NPIPB9: variants seen among roughly 807,000 people sequenced by gnomAD.
NPIPB9 encodes nuclear pore complex interacting protein family member B9.
In NPIPB9, 1 loss-of-function variant was observed where a neutral mutation model predicts 5.6. The ratio of observed to expected loss-of-function variants is 0.18; its 90% confidence interval spans 0.06 to 0.84. The LOEUF (loss-of-function observed/expected upper bound fraction) is 0.84, where lower values mean the gene tolerates loss of function less well. Among genes scored for constraint, NPIPB9 ranks in the 40% least tolerant of loss-of-function variants. The pLI is 0.70. For missense variants in NPIPB9, 3 were observed against 39.1 expected (o/e 0.08, Z 2.46); for synonymous variants, 2 against 12.5 (o/e 0.16, Z 1.77).
At chr16:28,752,943 G>A (rs1359671817) in intron 1 of NPIPB9, among the ~76,000 whole-genome samples, 1 of 116,780 alleles carries the variant, frequency 8.6e-6, no homozygotes, top group Non-Finnish European at 2.0e-5. Context: ...ATTTTGGGAG[G>A]CTGAGGCTGG....
chr16:28,756,526 G>A (rs2048830518), intron 1 of NPIPB9, among the ~76,000 whole-genome samples: 1 of 99,780 alleles, frequency 1.0e-5, no homozygotes, highest in Non-Finnish European at 2.4e-5. Flanking sequence ...GAACATGGCT[G>A]CAGCATATAA....
At chr16:28,757,296 G>GACATC (rs2151815053) in intron 1 of NPIPB9, among the ~76,000 whole-genome samples, 1 of 105,270 alleles carries the variant, frequency 9.5e-6, no homozygotes, top group South Asian at 2.7e-4. Flanking sequence ...AGATTCCTTG[G>GACATC]ACATCCCTGA....
At chr16:28,753,804 GC>G in intron 1 of NPIPB9, among the ~76,000 whole-genome samples, 1 of 60,568 alleles carries the variant, frequency 1.7e-5, no homozygotes, top group African/African-American at 5.1e-5. Flanking sequence ...CTCGTAATCT[GC>G]CCACCGTGGC....
chr16:28,767,534 CAG>C (rs1401900696), intron 5 of NPIPB9, among the ~76,000 whole-genome samples: 1 of 14,606 alleles, frequency 6.8e-5, no homozygotes, highest in Non-Finnish European at 1.4e-4. Flanking sequence ...TTAGTAGAGA[CAG>C]GGGTTCACCA....
intron 1 of NPIPB9, among the ~76,000 whole-genome samples, chr16:28,753,505 G>T (rs1398404815): frequency 1.7e-5 from 1 of 59,658 alleles, no homozygotes; most frequent in Non-Finnish European, 3.3e-5. Flanking sequence ...GATTTATATA[G>T]ATACACACAC....
In NPIPB9 at chr16:28,765,724, TG is replaced by T. The variant is rs1475478202; in HGVS notation, c.295-357del. ...CCGTGCCAGCCTCATGTCATTCTTG[TG>T]TGTGTGTGTGTGTGTGTGTGTGTGT... is the stretch of plus-strand genomic sequence containing the variant. On this transcript the variant is annotated intron_variant, in intron 3 of 7. Transcript: ENST00000550983. Among the ~76,000 whole-genome samples, 36 of 8,078 alleles carry T rather than the reference TG, an allele frequency of 4.5e-3. 1 individual carries two copies. The highest frequency in any genetic ancestry group is 0.012 in the Admixed American group (6 of 484). 5.3% of individuals were successfully genotyped at this position (8,078 alleles called of 152,430 possible).
intron 1 of NPIPB9, among the ~76,000 whole-genome samples, chr16:28,756,151 A>C: frequency 1.2e-5 from 1 of 80,206 alleles, no homozygotes; most frequent in African/African-American, 3.9e-5. Context: ...ACCCCCACTT[A>C]CTTGGTCTCT....
At chr16:28,756,194 CTTT>C (rs753440338) in intron 1 of NPIPB9, among the ~76,000 whole-genome samples, 4 of 87,926 alleles carry the variant, frequency 4.5e-5, no homozygotes, top group Non-Finnish European at 5.3e-5. Context: ...AAATCTAGGG[CTTT>C]TTTTTTTTTT....
intron 5 of NPIPB9, among the ~76,000 whole-genome samples, chr16:28,767,025 C>T (rs1326436520): frequency 2.5e-5 from 1 of 39,512 alleles, no homozygotes; most frequent in Non-Finnish European, 4.7e-5. Context: ...CACACCCAGG[C>T]TTTTTTTTTT....
chr16:28,765,741 G>GTC (rs1376645072), intron 3 of NPIPB9, among the ~76,000 whole-genome samples: 17 of 88,142 alleles, frequency 1.9e-4, no homozygotes, highest in Non-Finnish European at 3.1e-4. Flanking sequence ...GTGTGTGTGT[G>GTC]TGTGTGTGTG....
rs1214843854 is a variant in NPIPB9 at position 28,753,507 on chromosome 16, TACAC to T, written c.25+931_25+934del. Reference sequence around the variant, plus strand: ...CTTTTATTTTTGAGATTTATATAGATACACACACACACACACACATACATACACA... The same window carrying T: ...CTTTTATTTTTGAGATTTATATAGATACACACACACACACATACATACACA... On this transcript the variant is annotated intron_variant, in intron 1 of 7. Coordinates refer to ENST00000550983, the Ensembl canonical transcript of NPIPB9. Among the ~76,000 whole-genome samples the T allele has an allele frequency of 5.6e-4, 36 of 64,182 alleles. 2 individuals carry two copies. The highest frequency in any genetic ancestry group is 1.4e-3 in the East Asian group (4 of 2,916). The allele number at this position is 64,182 out of a possible 152,430, so 42.1% of individuals were successfully genotyped here.
chr16:28,754,851 G>A lies in NPIPB9; in HGVS notation c.25+2259G>A, dbSNP rs1291158626. On this transcript the variant is annotated intron_variant, in intron 1 of 7. Transcript: ENST00000550983. ...AAATCATCACCAACATGATGAAACAGAGTAGACTTCAGAAAAAGCAGTTTG... is the reference window on the plus strand; with the variant it reads ...AAATCATCACCAACATGATGAAACAAAGTAGACTTCAGAAAAAGCAGTTTG... Among the ~76,000 whole-genome samples, 7 of 141,124 alleles carry A rather than the reference G, an allele frequency of 5.0e-5. 1 individual carries two copies. Among genetic ancestry groups the A allele is most frequent in the African/African-American group, 7.7e-5 (3 of 39,166 alleles). 92.6% of individuals were successfully genotyped at this position (141,124 alleles called of 152,430 possible).
At chr16:28,767,218 CAG>C (rs1231731009) in intron 5 of NPIPB9, among the ~76,000 whole-genome samples, 2 of 76,794 alleles carry the variant, frequency 2.6e-5, no homozygotes, top group East Asian at 2.8e-4. Flanking sequence ...TTTTTTGAGA[CAG>C]AGTCTCACTC....
At chr16:28,769,629 T>C (rs1423202396) in intron 5 of NPIPB9, 2 of 628,040 alleles carry the variant, frequency 3.2e-6, no homozygotes, top group Non-Finnish European at 3.9e-6. Flanking sequence ...GTTTTTAACC[T>C]CTGTACAATG....
Position 28,759,140 on chromosome 16 carries a change from ATCTGGTTTGATGACTTT to A in NPIPB9, c.111+1059_111+1075del. Among the ~76,000 whole-genome samples the A allele has an allele frequency of 2.1e-5, 2 of 94,650 alleles. 1 individual carries two copies. Among genetic ancestry groups the A allele is most frequent in the South Asian group, 6.0e-4 (2 of 3,334 alleles). The allele number at this position is 94,650 out of a possible 152,430, so 62.1% of individuals were successfully genotyped here. A position where few individuals can be genotyped will look rare whatever the true frequency, so the allele number is the denominator to read the frequency against. On this transcript the variant is annotated intron_variant, in intron 2 of 7. Coordinates refer to ENST00000550983, the Ensembl canonical transcript of NPIPB9. ...AGTGAAATGTCATTTGATTTGTGTC[ATCTGGTTTGATGACTTT>A]TTTTTTTTTTTTTTTTTAGACAGAG...
At chr16:28,755,178 T>C (rs1417053452) in intron 1 of NPIPB9, among the ~76,000 whole-genome samples, 1 of 122,054 alleles carries the variant, frequency 8.2e-6, no homozygotes, top group East Asian at 2.9e-4. Flanking sequence ...GTGCATGTAT[T>C]CTGTGCATTT....
In NPIPB9 at chr16:28,756,172, C is replaced by A. The variant is rs1437759934; in HGVS notation, c.26-1826C>A. ...ACTTACTTGGTCTCTCCTTTTACAA[C>A]CAACACAACCGAAATCTAGGGCTTT... On this transcript the variant is annotated intron_variant, in intron 1 of 7. Transcript: ENST00000550983. 2.1e-5 allele frequency among the ~76,000 whole-genome samples: 2 copies of A among 96,098 alleles called. 1 individual carries two copies. The highest frequency in any genetic ancestry group is 6.5e-5 in the African/African-American group (2 of 30,772). 63.0% of individuals were successfully genotyped at this position (96,098 alleles called of 152,430 possible). A position where few individuals can be genotyped will look rare whatever the true frequency, so the allele number is the denominator to read the frequency against.
intron 1 of NPIPB9, among the ~76,000 whole-genome samples, chr16:28,756,157 T>A (rs1225838693): frequency 3.2e-5 from 3 of 92,666 alleles, no homozygotes; most frequent in South Asian, 3.6e-4. Flanking sequence ...ACTTACTTGG[T>A]CTCTCCTTTT....
chr16:28,758,518 CCCCTTCCCCTCCCCTT>C, intron 2 of NPIPB9: 5 of 53,542 alleles, frequency 9.3e-5, no homozygotes, highest in Non-Finnish European at 1.5e-4. Context: ...CCTTACTTCC[CCCCTTCCCCTCCCCTT>C]CCCCTTCCCC....
Sources: allele counts gnomAD v4.1 joint callset (sites outside exome capture counted in the v4.1 genomes callset), GRCh38; gene constraint gnomAD v4.1.1; transcripts MANE v1.5; gene names NCBI Gene and HGNC (gene_info 2026-07-23, HGNC 2026-07-21).